SMAD4: variants seen among roughly 807,000 people sequenced by gnomAD.
The protein encoded by SMAD4 is MAD homolog 4.
Under a neutral mutation model 63.2 loss-of-function variants are expected in SMAD4, and 7 were observed. The ratio of observed to expected loss-of-function variants is 0.11; its 90% CI spans 0.06 to 0.21. SMAD4 has a LOEUF of 0.21. Ranked by LOEUF, SMAD4 falls within the 10% of genes least tolerant of loss-of-function variation. SMAD4 has a pLI of 1.00. For missense variants in SMAD4, 312 were observed against 693.8 expected (o/e 0.45, Z 6.18); for synonymous variants, 215 against 235.4 (o/e 0.91, Z 0.79).
At chr18:51,062,098 G>T (rs182739756) in intron 8 of SMAD4, among the ~76,000 whole-genome samples, 2 of 152,264 alleles carry the variant, frequency 1.3e-5, no homozygotes, top group East Asian at 3.9e-4. Context: ...GCAAATACTT[G>T]TTCTGGTTAG....
chr18:51,076,964 A>G (rs923285025), intron 11 of SMAD4, 188 bp downstream of exon 11: 1 of 514,562 alleles, frequency 1.9e-6, no homozygotes, highest in Non-Finnish European at 3.5e-6. Flanking sequence ...CCCTGTTTGC[A>G]TTCTTTTTGT....
At chr18:51,051,092 C>T (rs113293398) in intron 4 of SMAD4, 2,476 of 156,952 alleles carry the variant, frequency 0.016, 74 homozygotes, top group African/African-American at 0.054. Flanking sequence ...TTGGAGAAAA[C>T]GTTTGTCTCA....
At chr18:51,068,743 A>AC (rs36061626) in intron 10 of SMAD4, among the ~76,000 whole-genome samples, 58,849 of 151,386 alleles carry the variant, frequency 0.39, 11,528 homozygotes, top group East Asian at 0.45. Context: ...ACAAAGTGAT[A>AC]CCCCCATCTC....
At chr18:51,040,963 GGTC>G (rs1205878044) in intron 1 of SMAD4, among the ~76,000 whole-genome samples, 2 of 152,032 alleles carry the variant, frequency 1.3e-5, no homozygotes, top group African/African-American at 2.4e-5. Flanking sequence ...TCTAGAAATG[GGTC>G]GTCTTTTATT....
intron 8 of SMAD4, among the ~76,000 whole-genome samples, chr18:51,061,038 T>C (rs1250936651): frequency 6.6e-6 from 1 of 151,526 alleles, no homozygotes; most frequent in Non-Finnish European, 1.5e-5. Context: ...CACACCAAGC[T>C]TGAAAAATTA....
intron 8 of SMAD4, among the ~76,000 whole-genome samples, chr18:51,061,915 T>C (rs1568207066): frequency 2.0e-5 from 3 of 152,208 alleles, no homozygotes; most frequent in Non-Finnish European, 2.9e-5. Context: ...TTTAAAAAAA[T>C]AGAAGGGAAC....
chr18:51,083,305 C>T lies in SMAD4; in HGVS notation c.*4838C>T, dbSNP rs1007767387. On this transcript the variant is annotated 3_prime_UTR_variant, in exon 12 of 12. Coordinates refer to ENST00000342988, the MANE Select transcript of SMAD4 (RefSeq NM_005359.6). ...TTTGAAGCCCTGCCTTCTGGCCTTA[C>T]TCCTGTACAGATATTTTTGACCTAT... is the stretch of plus-strand genomic sequence containing the variant. 3.5e-5 allele frequency: 8 copies of T among 227,792 alleles called. No homozygotes were observed. The highest frequency in any genetic ancestry group is 7.0e-5 in the Non-Finnish European group (8 of 114,764). 14.1% of individuals were successfully genotyped at this position (227,792 alleles called of 1,614,324 possible). A position where few individuals can be genotyped will look rare whatever the true frequency, so the allele number is the denominator to read the frequency against.
intron 8 of SMAD4, among the ~76,000 whole-genome samples, chr18:51,062,370 G>A (rs1422714817): frequency 6.6e-6 from 1 of 151,942 alleles, no homozygotes; most frequent in Non-Finnish European, 1.5e-5. Context: ...AAAACATTAT[G>A]GCATCCCAGA....
At chr18:51,035,057 A>C (rs1055779619) in intron 1 of SMAD4, among the ~76,000 whole-genome samples, 1 of 152,242 alleles carries the variant, frequency 6.6e-6, no homozygotes, top group Non-Finnish European at 1.5e-5. Flanking sequence ...ACAGTGTTAC[A>C]CACATGTACA....
chr18:51,032,972 A>G (rs1197194696), intron 1 of SMAD4, among the ~76,000 whole-genome samples: 6 of 151,878 alleles, frequency 4.0e-5, no homozygotes. Flanking sequence ...AGCATCTTGT[A>G]TTAGCCATTT....
At chr18:51,034,200 G>A (rs1909134570) in intron 1 of SMAD4, among the ~76,000 whole-genome samples, 1 of 150,072 alleles carries the variant, frequency 6.7e-6, no homozygotes, top group South Asian at 2.1e-4. Context: ...CTTCTCTCCT[G>A]TCTCCCTCCC....
chr18:51,048,458 A>T (rs976958238), intron 2 of SMAD4, among the ~76,000 whole-genome samples: 1 of 152,202 alleles, frequency 6.6e-6, no homozygotes. Flanking sequence ...ATGCCCAGTC[A>T]CTTTTTACAT....
At chr18:51,054,632 T>C in intron 4 of SMAD4, 149 bp from the exon 5 acceptor site, 1 of 628,500 alleles carries the variant, frequency 1.6e-6, no homozygotes, top group Admixed American at 2.7e-5. Flanking sequence ...GTAGTATGCT[T>C]TTAAAATAAT....
chr18:51,070,512 T>C (rs556280858), intron 10 of SMAD4, among the ~76,000 whole-genome samples: 1 of 152,370 alleles, frequency 6.6e-6, no homozygotes, highest in East Asian at 1.9e-4. Flanking sequence ...ACCAAGTATA[T>C]TACTGTTCTT....
chr18:51,058,825 T>C (rs1341819222), intron 7 of SMAD4, among the ~76,000 whole-genome samples: 1 of 152,206 alleles, frequency 6.6e-6, no homozygotes. Flanking sequence ...TCCCTCAGCG[T>C]AGTATTCAGT....
chr18:51,063,235 G>A (rs1158778453), intron 8 of SMAD4, among the ~76,000 whole-genome samples: 1 of 151,954 alleles, frequency 6.6e-6, no homozygotes, highest in Non-Finnish European at 1.5e-5. Context: ...CCACTTTTAA[G>A]TGTTGTTACT....
intron 1 of SMAD4, among the ~76,000 whole-genome samples, chr18:51,033,220 C>T (rs186843505): frequency 2.2e-4 from 30 of 136,492 alleles, no homozygotes; most frequent in Middle Eastern, 0.01. Flanking sequence ...GATGGAGGCT[C>T]GCTCTGTTGT....
chr18:51,044,683 G>T, intron 1 of SMAD4, among the ~76,000 whole-genome samples: 1 of 152,148 alleles, frequency 6.6e-6, no homozygotes, highest in Non-Finnish European at 1.5e-5. Context: ...GTGAGCCACC[G>T]TGCCTGGCCA....
intron 4 of SMAD4, chr18:51,054,198 TTTTCA>T (rs1390250957): frequency 6.5e-6 from 1 of 153,652 alleles, no homozygotes. Flanking sequence ...TCAGTTTGAC[TTTTCA>T]TTTATAATTT....
Sources: allele counts gnomAD v4.1 joint callset (sites outside exome capture counted in the v4.1 genomes callset), GRCh38; gene constraint gnomAD v4.1.1; transcripts MANE v1.5; gene names NCBI Gene and HGNC (gene_info 2026-07-23, HGNC 2026-07-21).